RHOJ: variants seen among roughly 807,000 people sequenced by gnomAD.
The protein encoded by RHOJ is rho-related GTP-binding protein RhoJ.
Under a neutral mutation model 23.4 loss-of-function variants are expected in RHOJ, and 11 were observed. The observed-to-expected ratio is 0.47, with a 90% confidence interval of 0.30 to 0.78. RHOJ has a LOEUF of 0.78. Ranked by LOEUF, RHOJ falls within the 30% of genes least tolerant of loss-of-function variation. The pLI is 0.08. For missense variants in RHOJ, 254 were observed against 273.4 expected (o/e 0.93, Z 0.50); for synonymous variants, 102 against 102.7 (o/e 0.99, Z 0.04).
At chr14:63,246,208 T>C (rs1391965974) in intron 1 of RHOJ, among the ~76,000 whole-genome samples, 1 of 152,204 alleles carries the variant, frequency 6.6e-6, no homozygotes, top group Non-Finnish European at 1.5e-5. Context: ...CACTCATTTC[T>C]AACCCACTAC....
chr14:63,284,967 G>A (rs958900390), intron 4 of RHOJ, among the ~76,000 whole-genome samples: 1 of 152,160 alleles, frequency 6.6e-6, no homozygotes, highest in Admixed American at 6.5e-5. Flanking sequence ...CTCAGATACA[G>A]ACGGAATCAT....
chr14:63,291,284 G>A lies in RHOJ; in HGVS notation c.*260G>A, dbSNP rs898068662. ...ATTGCAGACAGTGCCGCTGCTGATC[G>A]CATCAAAAACAAAGTCAAAGGCCAT... is the stretch of plus-strand genomic sequence containing the variant. On this transcript the variant is annotated 3_prime_UTR_variant, in exon 5 of 5. Coordinates refer to ENST00000316754, the MANE Select transcript of RHOJ (RefSeq NM_020663.5). 2.7e-5 allele frequency: 13 copies of A among 483,498 alleles called. No homozygotes were observed. The highest frequency in any genetic ancestry group is 1.6e-4 in the East Asian group (4 of 25,442). 30.0% of individuals were successfully genotyped at this position (483,498 alleles called of 1,614,324 possible).
At chr14:63,254,893 G>T (rs17824504) in intron 1 of RHOJ, among the ~76,000 whole-genome samples, 1 of 152,062 alleles carries the variant, frequency 6.6e-6, no homozygotes, top group Non-Finnish European at 1.5e-5. Flanking sequence ...AAGAAAGCAC[G>T]TTGGGTTTTT....
chr14:63,252,035 G>A (rs989476201), intron 1 of RHOJ, among the ~76,000 whole-genome samples: 13 of 152,046 alleles, frequency 8.6e-5, no homozygotes, highest in African/African-American at 2.7e-4. Flanking sequence ...GCAGTGAGCC[G>A]AGATCACGCC....
At position 63,220,159 on chromosome 14, in the gene RHOJ, A is replaced by G. The variant is rs1286266639; in HGVS notation, c.178+15112A>G. On this transcript the variant is annotated intron_variant, in intron 1 of 4. Coordinates refer to ENST00000316754, the MANE Select transcript of RHOJ (RefSeq NM_020663.5). ...AATAATGCAAGTCTATCCCCAAGCA[A>G]TGTCTATCAAATCTACAGAAAGATA... Among the ~76,000 whole-genome samples the G allele has an allele frequency of 2.0e-5, 3 of 152,174 alleles. No individual in the cohort carries two copies. In the East Asian group the frequency reaches 5.8e-4, roughly 29 times the overall value.
intron 1 of RHOJ, among the ~76,000 whole-genome samples, chr14:63,209,887 A>G (rs1034083793): frequency 2.0e-5 from 3 of 151,674 alleles, no homozygotes; most frequent in African/African-American, 7.3e-5. Flanking sequence ...TATTTTATTC[A>G]TATTTTAAAT....
At chr14:63,254,100 C>T (rs1895119952) in intron 1 of RHOJ, among the ~76,000 whole-genome samples, 1 of 152,124 alleles carries the variant, frequency 6.6e-6, no homozygotes, top group African/African-American at 2.4e-5. Context: ...TTGACAACTG[C>T]AATGGCTGCC....
intron 1 of RHOJ, among the ~76,000 whole-genome samples, chr14:63,224,757 T>C (rs1451464147): frequency 6.6e-6 from 1 of 152,118 alleles, no homozygotes; most frequent in Non-Finnish European, 1.5e-5. Context: ...GTTTGTTTCT[T>C]TCCTGATTCC....
chr14:63,264,236 C>A (rs1430521825), intron 1 of RHOJ, among the ~76,000 whole-genome samples: 1 of 152,002 alleles, frequency 6.6e-6, no homozygotes, highest in Non-Finnish European at 1.5e-5. Context: ...CATGAGTACC[C>A]AATGTTCAGT....
chr14:63,215,342 T>C (rs750754172), intron 1 of RHOJ, among the ~76,000 whole-genome samples: 12 of 152,190 alleles, frequency 7.9e-5, no homozygotes, highest in Non-Finnish European at 1.3e-4. Flanking sequence ...CAAGCCTTCC[T>C]TTAGTCTCTC....
intron 1 of RHOJ, among the ~76,000 whole-genome samples, chr14:63,226,951 A>C (rs1455387554): frequency 6.6e-6 from 1 of 152,144 alleles, no homozygotes; most frequent in East Asian, 1.9e-4. Context: ...AGGAAGTATG[A>C]GCTAAGTATT....
intron 1 of RHOJ, among the ~76,000 whole-genome samples, chr14:63,229,181 A>G (rs560358402): frequency 1.2e-4 from 18 of 152,260 alleles, no homozygotes; most frequent in African/African-American, 4.3e-4. Flanking sequence ...CTTAGATAGT[A>G]TATCTACAAA....
chr14:63,272,841 C>T (rs1026006958), intron 2 of RHOJ, among the ~76,000 whole-genome samples: 4 of 152,252 alleles, frequency 2.6e-5, no homozygotes, highest in South Asian at 2.1e-4. Context: ...CTGGCCAATA[C>T]GGTGAAACCC....
chr14:63,261,784 T>C (rs1480297916), intron 1 of RHOJ, among the ~76,000 whole-genome samples: 1 of 152,178 alleles, frequency 6.6e-6, no homozygotes, highest in Non-Finnish European at 1.5e-5. Flanking sequence ...TTCTTCAAAA[T>C]GCTCTTTGAA....
chr14:63,206,583 G>A (rs1489979278), intron 1 of RHOJ, among the ~76,000 whole-genome samples: 1 of 152,110 alleles, frequency 6.6e-6, no homozygotes, highest in Non-Finnish European at 1.5e-5. Flanking sequence ...TAAAGGGAGA[G>A]GCTTCAAATG....
chr14:63,269,082 T>C lies in RHOJ; in HGVS notation c.179-28T>C, dbSNP rs180833614. ...TGAAGCTTGTGTTTATGGACTCTCC[T>C]CTTCTTTTCTTTTCTCTTCTCCCCT... On this transcript the variant is annotated intron_variant, in intron 1 of 4. Coordinates refer to ENST00000316754, the MANE Select transcript of RHOJ (RefSeq NM_020663.5). 1.5e-5 allele frequency: 23 copies of C among 1,569,680 alleles called. 1 individual carries two copies. In the Admixed American group the frequency reaches 2.8e-4, roughly 19 times the overall value.
intron 4 of RHOJ, among the ~76,000 whole-genome samples, chr14:63,286,481 A>T (rs937689067): frequency 6.6e-6 from 1 of 152,162 alleles, no homozygotes; most frequent in South Asian, 2.1e-4. Context: ...AGACAGGGAG[A>T]CCAGGACATG....
At chr14:63,286,398 T>A (rs960491682) in intron 4 of RHOJ, among the ~76,000 whole-genome samples, 2 of 152,104 alleles carry the variant, frequency 1.3e-5, no homozygotes, top group African/African-American at 4.8e-5. Flanking sequence ...CCAGGTAACA[T>A]CTTATCCAGG....
chr14:63,204,749 G>C lies in RHOJ; in HGVS notation c.-121G>C, dbSNP rs1894068731. On this transcript the variant is annotated 5_prime_UTR_variant, in exon 1 of 5. Transcript: ENST00000316754. Reference sequence around the variant, plus strand: ...CCTCGGACATGTCTGTATGATCCAAGGTACCCAAAGTCAGACAGAGTAAAC... The same window carrying C: ...CCTCGGACATGTCTGTATGATCCAACGTACCCAAAGTCAGACAGAGTAAAC... The C allele has an allele frequency of 2.1e-6, 2 of 955,218 alleles. No individual in the cohort carries two copies. Among genetic ancestry groups the C allele is most frequent in the Non-Finnish European group, 3.2e-6 (2 of 624,058 alleles). The allele number at this position is 955,218 out of a possible 1,614,324, so 59.2% of individuals were successfully genotyped here.
Sources: allele counts gnomAD v4.1 joint callset (sites outside exome capture counted in the v4.1 genomes callset), GRCh38; gene constraint gnomAD v4.1.1; transcripts MANE v1.5; gene names NCBI Gene and HGNC (gene_info 2026-07-23, HGNC 2026-07-21).